Variants in SUMF1 observed in about 807,000 individuals in gnomAD.
SUMF1 encodes the protein formylglycine-generating enzyme.
SUMF1 carries 48 observed loss-of-function variants against 47.6 expected under a neutral mutation model. The ratio of observed to expected loss-of-function variants is 1.01; its 90% CI spans 0.80 to 1.28. The LOEUF is 1.28. Ranked by LOEUF, SUMF1 falls within the 50% of genes most tolerant of loss-of-function variation. The pLI is 0.00. For synonymous variants in SUMF1, 230 were observed against 192.1 expected, an observed-to-expected ratio of 1.20 and a Z score of -1.63; for missense variants, 571 against 485.4, an observed-to-expected ratio of 1.18 and a Z score of -1.66.
At chr3:4,360,466 C>T (rs942233668), downstream of SUMF1, among the ~76,000 whole-genome samples, 4 of 152,024 alleles carry the variant, frequency 2.6e-5, no homozygotes, top group Non-Finnish European at 4.4e-5. Context: ...GCTGGGACTA[C>T]AGGCAAGTGT....
chr3:4,464,024 C>A (rs1170685274), intron 1 of SUMF1, among the ~76,000 whole-genome samples: 1 of 152,120 alleles, frequency 6.6e-6, no homozygotes, highest in African/African-American at 2.4e-5. Flanking sequence ...TCTCTGTGCC[C>A]CTCACCTTGC....
chr3:4,260,345 T>C (rs1331717814), intron 8 of SUMF1, among the ~76,000 whole-genome samples: 4 of 152,224 alleles, frequency 2.6e-5, no homozygotes, highest in Admixed American at 6.5e-5. Flanking sequence ...TAGTGTTCTA[T>C]ATTCTCCTAC....
At chr3:4,216,865 C>G (rs997502346) in intron 8 of SUMF1, among the ~76,000 whole-genome samples, 4 of 152,132 alleles carry the variant, frequency 2.6e-5, no homozygotes, top group Non-Finnish European at 5.9e-5. Context: ...CAGGAAACAA[C>G]AGATGTTGGA....
intron 8 of SUMF1, among the ~76,000 whole-genome samples, chr3:4,078,982 A>G (rs1358226019): frequency 6.6e-6 from 1 of 152,070 alleles, no homozygotes; most frequent in Non-Finnish European, 1.5e-5. Context: ...ATGTTTTGCT[A>G]AAGATGTTTT....
intron 7 of SUMF1, among the ~76,000 whole-genome samples, chr3:4,388,629 T>C (rs1424904821): frequency 6.6e-6 from 1 of 152,080 alleles, no homozygotes; most frequent in Non-Finnish European, 1.5e-5. Flanking sequence ...TCTCTATTTT[T>C]TTGTCTCTGT....
At chr3:4,297,371 A>G (rs939628494) in intron 8 of SUMF1, among the ~76,000 whole-genome samples, 13 of 152,070 alleles carry the variant, frequency 8.5e-5, no homozygotes, top group African/African-American at 3.1e-4. Flanking sequence ...CAGTGCCTGT[A>G]CTATGCCTAC....
At chr3:4,240,679 G>T (rs1401853968) in intron 8 of SUMF1, among the ~76,000 whole-genome samples, 3 of 151,858 alleles carry the variant, frequency 2.0e-5, no homozygotes, top group Non-Finnish European at 4.4e-5. Flanking sequence ...AAAAATTAAA[G>T]TATATTATAC....
Position 4,417,362 on chromosome 3 carries a change from A to AT in SUMF1, c.726-121_726-120insA, listed in dbSNP as rs1701747619. On this transcript the variant is annotated intron_variant, in intron 5 of 8. Coordinates refer to ENST00000272902, the MANE Select transcript of SUMF1 (RefSeq NM_182760.4). ...TGCTTGTTCTGAGTGAGCCAGTTAA[A>AT]ATATATATATAAATAAATAAAGCTT... is the stretch of plus-strand genomic sequence containing the variant. The AT allele has an allele frequency of 4.4e-6, 3 of 683,356 alleles. No individual in the cohort carries two copies. The Admixed American group carries it at 7.0e-5, about 16-fold the overall frequency. 42.3% of individuals were successfully genotyped at this position (683,356 alleles called of 1,614,324 possible). A position where few individuals can be genotyped will look rare whatever the true frequency, so the allele number is the denominator to read the frequency against.
intron 8 of SUMF1, among the ~76,000 whole-genome samples, chr3:4,321,470 T>TAAAAAAAAAAAAAAAAAA (rs1206478992): frequency 1.6e-5 from 1 of 63,736 alleles, no homozygotes; most frequent in African/African-American, 5.6e-5. Context: ...AAGGAAATGC[T>TAAAAAAAAAAAAAAAAAA]AAAAAAAAAA....
At chr3:4,461,467 G>C (rs2079812942) in intron 1 of SUMF1, among the ~76,000 whole-genome samples, 1 of 152,230 alleles carries the variant, frequency 6.6e-6, no homozygotes, top group Non-Finnish European at 1.5e-5. Context: ...CCTGTTAGGA[G>C]AACAGTTGCT....
chr3:4,303,281 T>G (rs1698019420), intron 8 of SUMF1: 1 of 1,352,116 alleles, frequency 7.4e-7, no homozygotes. Context: ...ACAATTCCCA[T>G]GAGGCGGTGG....
chr3:4,223,751 G>A (rs1696116202), intron 8 of SUMF1, among the ~76,000 whole-genome samples: 2 of 152,080 alleles, frequency 1.3e-5, no homozygotes, highest in Non-Finnish European at 2.9e-5. Flanking sequence ...TTGGGAAGGT[G>A]GTGGTAATGT....
At chr3:4,317,732 G>T (rs1320980917) in intron 8 of SUMF1, among the ~76,000 whole-genome samples, 1 of 152,162 alleles carries the variant, frequency 6.6e-6, no homozygotes, top group Non-Finnish European at 1.5e-5. Context: ...TCACTCTCCA[G>T]TGTGTTACCA....
intron 8 of SUMF1, among the ~76,000 whole-genome samples, chr3:4,284,143 C>G (rs567269307): frequency 1.3e-5 from 2 of 152,076 alleles, no homozygotes; most frequent in Non-Finnish European, 2.9e-5. Context: ...AGGCCAGGAG[C>G]AGAGGCTTAT....
intron 3 of SUMF1, among the ~76,000 whole-genome samples, chr3:4,441,984 G>A (rs545313866): frequency 6.6e-6 from 1 of 152,168 alleles, no homozygotes; most frequent in African/African-American, 2.4e-5. Flanking sequence ...ACGCAAACAG[G>A]TGAAGAAAAA....
chr3:4,405,166 A>T (rs1701335989), intron 7 of SUMF1, among the ~76,000 whole-genome samples: 1 of 152,200 alleles, frequency 6.6e-6, no homozygotes, highest in South Asian at 2.1e-4. Context: ...CCTAAGTCCT[A>T]TCATGCAATG....
chr3:4,297,564 ATTTTTTT>A (rs746612402), intron 8 of SUMF1, among the ~76,000 whole-genome samples: 1 of 113,878 alleles, frequency 8.8e-6, no homozygotes, highest in African/African-American at 3.5e-5. Flanking sequence ...CTACACCTGA[ATTTTTTT>A]TTTTTTTTTT....
intron 8 of SUMF1, among the ~76,000 whole-genome samples, chr3:4,303,097 GC>G (rs1698013235): frequency 6.6e-6 from 1 of 152,166 alleles, no homozygotes; most frequent in African/African-American, 2.4e-5. Flanking sequence ...CACCTCGAAA[GC>G]CCCCTCTCTG....
At chr3:4,368,947 T>A (rs1046321201) in intron 8 of SUMF1, among the ~76,000 whole-genome samples, 4 of 152,096 alleles carry the variant, frequency 2.6e-5, no homozygotes, top group African/African-American at 7.2e-5. Flanking sequence ...CCCTGCAAAC[T>A]GGTTAAAGAA....
Sources: gnomAD v4.1 joint callset for allele counts (sites outside exome capture counted in the v4.1 genomes callset) on GRCh38, gnomAD v4.1.1 for gene constraint, MANE v1.5 for transcripts, NCBI Gene and HGNC (gene_info 2026-07-23, HGNC 2026-07-21) for gene names.